Variants in ESRRG observed in about 807,000 individuals in gnomAD.
ESRRG encodes the protein estrogen-related receptor gamma.
In ESRRG, 13 loss-of-function variants were observed where a neutral mutation model predicts 44.0. The ratio of observed to expected loss-of-function variants is 0.30; its 90% CI spans 0.19 to 0.47. The LOEUF (loss-of-function observed/expected upper bound fraction) is 0.47. ESRRG is among the 20% of genes least tolerant of loss of function. The pLI, the probability that ESRRG is intolerant of heterozygous loss-of-function variation, is 1.00. For synonymous variants in ESRRG, 215 were observed against 214.6 expected, an observed-to-expected ratio of 1.00 and a Z score of -0.02; for missense variants, 395 against 580.6, an observed-to-expected ratio of 0.68 and a Z score of 3.29.
At chr1:216,923,522 C>T (rs1028459759) in intron 2 of ESRRG, among the ~76,000 whole-genome samples, 1 of 152,060 alleles carries the variant, frequency 6.6e-6, no homozygotes, top group African/African-American at 2.4e-5. Flanking sequence ...GCCTGTTACT[C>T]CATAGTTCTG....
intron 2 of ESRRG, among the ~76,000 whole-genome samples, chr1:216,748,581 C>T (rs1275133037): frequency 6.6e-6 from 1 of 152,088 alleles, no homozygotes; most frequent in Non-Finnish European, 1.5e-5. Context: ...CACACAGAAA[C>T]CTCTTATTTC....
chr1:216,810,724 G>A lies in ESRRG; in HGVS notation c.-14+128858C>T, dbSNP rs2094942768. On this transcript the variant is annotated intron_variant, in intron 2 of 7. Transcript: ENST00000359162. ...TGGATGTGTGTGTGTGTGTGTGTATGATATACACATGTATATATATAACTC... is the reference window on the plus strand; with the variant it reads ...TGGATGTGTGTGTGTGTGTGTGTATAATATACACATGTATATATATAACTC... Among the ~76,000 whole-genome samples the A allele has an allele frequency of 2.1e-5, 3 of 143,600 alleles. No homozygotes were observed. The South Asian group carries it at 6.5e-4, about 31-fold the overall frequency. The allele number at this position is 143,600 out of a possible 152,430, so 94.2% of individuals were successfully genotyped here.
intron 2 of ESRRG, among the ~76,000 whole-genome samples, chr1:216,745,634 G>A (rs1156324533): frequency 6.6e-6 from 1 of 152,138 alleles, no homozygotes; most frequent in East Asian, 1.9e-4. Flanking sequence ...CTCAATGCGT[G>A]TATTCAATGC....
At chr1:217,090,847 A>G (rs1355508533), upstream of ESRRG, among the ~76,000 whole-genome samples, 1 of 152,202 alleles carries the variant, frequency 6.6e-6, no homozygotes, top group Non-Finnish European at 1.5e-5. Flanking sequence ...CTAATTATGC[A>G]CTGTATCTGT....
intron 1 of ESRRG, among the ~76,000 whole-genome samples, chr1:217,005,364 T>G (rs1276808667): frequency 1.3e-5 from 2 of 152,102 alleles, no homozygotes; most frequent in Non-Finnish European, 2.9e-5. Flanking sequence ...CAAAGACTGG[T>G]GCCTTTTCTC....
chr1:217,018,428 T>A, intron 1 of ESRRG, among the ~76,000 whole-genome samples: 1 of 152,156 alleles, frequency 6.6e-6, no homozygotes. Flanking sequence ...TCTGCTAAAA[T>A]CTTTCAATGC....
chr1:217,058,839 T>G (rs1481681770), intron 1 of ESRRG, among the ~76,000 whole-genome samples: 2 of 150,820 alleles, frequency 1.3e-5, no homozygotes, highest in African/African-American at 4.9e-5. Context: ...ATTGGAGTAC[T>G]AATAAGAACT....
chr1:216,636,709 C>G (rs1029274250), intron 3 of ESRRG, among the ~76,000 whole-genome samples: 1 of 152,316 alleles, frequency 6.6e-6, no homozygotes, highest in Admixed American at 6.5e-5. Flanking sequence ...CCTAGCTTTA[C>G]AAGCTTGGGA....
intron 1 of ESRRG, among the ~76,000 whole-genome samples, chr1:216,696,811 C>T (rs1007785443): frequency 6.6e-6 from 1 of 151,846 alleles, no homozygotes; most frequent in East Asian, 1.9e-4. Context: ...ACTCACTGTG[C>T]CTCAGTCATC....
chr1:216,758,417 A>G (rs1013980325), intron 2 of ESRRG, among the ~76,000 whole-genome samples: 1 of 152,046 alleles, frequency 6.6e-6, no homozygotes, highest in East Asian at 1.9e-4. Context: ...GTTTGTTCTC[A>G]CCAATGCAAG....
At chr1:217,043,882 T>G (rs1041670670) in intron 1 of ESRRG, among the ~76,000 whole-genome samples, 3 of 151,978 alleles carry the variant, frequency 2.0e-5, no homozygotes, top group Non-Finnish European at 4.4e-5. Context: ...AGCAACAGCT[T>G]CAGTCTCATC....
intron 1 of ESRRG, among the ~76,000 whole-genome samples, chr1:216,988,783 T>C (rs1399169996): frequency 6.6e-6 from 1 of 152,194 alleles, no homozygotes; most frequent in Non-Finnish European, 1.5e-5. Context: ...AATGGACACT[T>C]CTGGGCTTTC....
At chr1:217,061,497 A>C (rs889610913) in intron 1 of ESRRG, among the ~76,000 whole-genome samples, 8 of 152,126 alleles carry the variant, frequency 5.3e-5, no homozygotes, top group Non-Finnish European at 1.0e-4. Context: ...TTAAATATGG[A>C]ATAAAAAGAC....
chr1:216,941,180 A>G (rs1034234126), intron 1 of ESRRG, among the ~76,000 whole-genome samples: 2 of 152,184 alleles, frequency 1.3e-5, no homozygotes, highest in African/African-American at 2.4e-5. Context: ...AATTTATATA[A>G]GTATAAAGAA....
intron 3 of ESRRG, among the ~76,000 whole-genome samples, chr1:216,600,727 A>T (rs1481667872): frequency 6.6e-6 from 1 of 152,234 alleles, no homozygotes; most frequent in Non-Finnish European, 1.5e-5. Flanking sequence ...ATTTATCTGA[A>T]GTCCTGTGAA....
intron 2 of ESRRG, among the ~76,000 whole-genome samples, chr1:216,797,412 T>C (rs2094499635): frequency 6.6e-6 from 1 of 152,198 alleles, no homozygotes; most frequent in African/African-American, 2.4e-5. Flanking sequence ...ACCTTCTCAG[T>C]TTCCATAAGC....
chr1:216,896,340 C>T (rs994865431), intron 2 of ESRRG, among the ~76,000 whole-genome samples: 1 of 152,106 alleles, frequency 6.6e-6, no homozygotes, highest in Admixed American at 6.5e-5. Flanking sequence ...AAAACACAAA[C>T]ATAAAAGCAA....
chr1:216,940,759 C>G (rs889864291), intron 1 of ESRRG, among the ~76,000 whole-genome samples: 8 of 152,052 alleles, frequency 5.3e-5, no homozygotes, highest in African/African-American at 1.9e-4. Context: ...ATAGCTTTCC[C>G]GCTTTCTTTC....
At chr1:216,638,432 T>G (rs746458345) in intron 3 of ESRRG, among the ~76,000 whole-genome samples, 2 of 152,164 alleles carry the variant, frequency 1.3e-5, no homozygotes, top group African/African-American at 4.8e-5. Flanking sequence ...TAATTTAATT[T>G]AATAAAAATT....
Sources: gnomAD v4.1 joint callset for allele counts (sites outside exome capture counted in the v4.1 genomes callset) on GRCh38, gnomAD v4.1.1 for gene constraint, MANE v1.5 for transcripts, NCBI Gene and HGNC (gene_info 2026-07-23, HGNC 2026-07-21) for gene names.